The following FLI1 variants were observed in gnomAD, a reference collection of about 807,000 sequenced individuals.
FLI1 encodes Friend leukemia integration 1 transcription factor.
In FLI1, 13 loss-of-function variants were observed where a neutral mutation model predicts 53.1. The observed-to-expected ratio is 0.24, with a 90% CI of 0.16 to 0.39. The LOEUF (loss-of-function observed/expected upper bound fraction) is 0.39, where lower values mean the gene tolerates loss of function less well. Among genes scored for constraint, FLI1 ranks in the 10% least tolerant of loss-of-function variants. The pLI is 1.00. For synonymous variants in FLI1, 244 were observed against 236.7 expected, an observed-to-expected ratio of 1.03 and a Z score of -0.28; for missense variants, 424 against 600.5, an observed-to-expected ratio of 0.71 and a Z score of 3.07.
intron 5 of FLI1, among the ~76,000 whole-genome samples, chr11:128,801,676 C>T (rs557370638): frequency 6.6e-6 from 1 of 152,292 alleles, no homozygotes; most frequent in Non-Finnish European, 1.5e-5. Context: ...GGTAGGAGCA[C>T]TGGGTTCTCT....
chr11:128,701,685 C>A (rs139803119), intron 1 of FLI1, among the ~76,000 whole-genome samples: 114 of 152,296 alleles, frequency 7.5e-4, no homozygotes, highest in African/African-American at 2.7e-3. Flanking sequence ...TTTCAAATCA[C>A]CTCAAAGGGA....
Position 128,810,874 on chromosome 11 carries a change from C to T in FLI1, c.1245C>T (p.Phe415=). The change falls in exon 9 of 9, where the codon TTC becomes TTT. Residue 415 remains phenylalanine (F), a synonymous_variant. Transcript: ENST00000527786. The surrounding 1 kb of genome is among the most constrained non-coding windows in gnomAD (Gnocchi z 6.6). ...PSSMPVTSSS[F]FGAASQYWTS... is the part of the protein sequence containing the mutation. ...CCATGCCTGTCACTTCCTCCAGCTT[C>T]TTTGGAGCCGCATCACAATACTGGA... is the stretch of plus-strand genomic sequence containing the variant. The T allele has an allele frequency of 6.2e-7, 1 of 1,614,058 alleles. No individual in the cohort carries two copies. Among genetic ancestry groups the T allele is most frequent in the East Asian group, 2.2e-5 (1 of 44,882 alleles).
At chr11:128,721,062 C>G (rs1405927345) in intron 1 of FLI1, among the ~76,000 whole-genome samples, 3 of 152,234 alleles carry the variant, frequency 2.0e-5, no homozygotes, top group Non-Finnish European at 4.4e-5. Context: ...TCCAGAGAAG[C>G]TTCTGGAGAA....
chr11:128,768,500 G>A, intron 3 of FLI1: 1 of 512,956 alleles, frequency 1.9e-6, no homozygotes, highest in Non-Finnish European at 3.5e-6. Flanking sequence ...CCAACGTGGT[G>A]AAACCTCATC....
chr11:128,703,862 A>C (rs1327454263), intron 1 of FLI1, among the ~76,000 whole-genome samples: 1 of 149,268 alleles, frequency 6.7e-6, no homozygotes, highest in East Asian at 1.9e-4. Flanking sequence ...AAAAAAAAAA[A>C]ACAAACGTTA....
At chr11:128,697,393 A>G (rs1938128061) in intron 1 of FLI1, among the ~76,000 whole-genome samples, 1 of 152,220 alleles carries the variant, frequency 6.6e-6, no homozygotes, top group Non-Finnish European at 1.5e-5. Flanking sequence ...CAGCTCTGCT[A>G]CCTAGTAGCT....
intron 5 of FLI1, among the ~76,000 whole-genome samples, chr11:128,783,289 G>A (rs1048216605): frequency 6.6e-6 from 1 of 152,212 alleles, no homozygotes; most frequent in Admixed American, 6.5e-5. Context: ...GCACTAGCTG[G>A]CTGTCTTGCC....
At chr11:128,759,112 G>A (rs188043809) in intron 2 of FLI1, among the ~76,000 whole-genome samples, 255 of 152,342 alleles carry the variant, frequency 1.7e-3, no homozygotes, top group Admixed American at 5.0e-3. Flanking sequence ...TGCCTGAGAC[G>A]CGTTAGGAAA....
chr11:128,801,079 A>G (rs1455509588), intron 5 of FLI1, among the ~76,000 whole-genome samples: 2 of 152,188 alleles, frequency 1.3e-5, no homozygotes, highest in East Asian at 3.9e-4. Context: ...CGACGGCCAC[A>G]TTTTTACACA....
chr11:128,799,712 G>A (rs915695896), intron 5 of FLI1, among the ~76,000 whole-genome samples: 2 of 152,174 alleles, frequency 1.3e-5, no homozygotes, highest in South Asian at 2.1e-4. Flanking sequence ...GCGCGGACTC[G>A]AGCAAAGACT....
chr11:128,734,242 A>G (rs2135758986), intron 1 of FLI1, among the ~76,000 whole-genome samples: 1 of 152,328 alleles, frequency 6.6e-6, no homozygotes, highest in South Asian at 2.1e-4. Flanking sequence ...TTGTCCTCCA[A>G]TTCAGCCAAA....
upstream of FLI1, among the ~76,000 whole-genome samples, chr11:128,689,958 G>A (rs191780734): frequency 3.9e-5 from 6 of 152,324 alleles, no homozygotes; most frequent in East Asian, 1.2e-3. Flanking sequence ...GCGAGCAGAG[G>A]CTCTAAATCT....
intron 1 of FLI1, among the ~76,000 whole-genome samples, chr11:128,726,051 C>T (rs1217544543): frequency 6.6e-6 from 1 of 152,212 alleles, no homozygotes; most frequent in Non-Finnish European, 1.5e-5. Context: ...AAAAATTCAG[C>T]TTCCCAGATG....
At chr11:128,752,735 C>T (rs1259116242) in intron 1 of FLI1, among the ~76,000 whole-genome samples, 1 of 152,138 alleles carries the variant, frequency 6.6e-6, no homozygotes, top group East Asian at 1.9e-4. Flanking sequence ...ATAGAATTGC[C>T]AGGAGGATTA....
rs1713217185 is a variant in FLI1, at chr11:128,810,350, CA to C, written c.830-105del. ...AAGTCGATCCCAATGTCGAAGGAAA[CA>C]AAAGGTTTCTTTAAAAGGATGAGAA... On this transcript the variant is annotated intron_variant, in intron 8 of 8. Coordinates refer to ENST00000527786, the MANE Select transcript of FLI1 (RefSeq NM_002017.5). The surrounding 1 kb of genome is among the most constrained non-coding windows in gnomAD (Gnocchi z 6.6). The C allele has an allele frequency of 2.7e-6, 3 of 1,126,034 alleles. No individual in the cohort carries two copies. Among genetic ancestry groups the C allele is most frequent in the Non-Finnish European group, 3.8e-6 (3 of 797,436 alleles). 69.8% of individuals were successfully genotyped at this position (1,126,034 alleles called of 1,614,324 possible). A position where few individuals can be genotyped will look rare whatever the true frequency, so the allele number is the denominator to read the frequency against.
intron 3 of FLI1, among the ~76,000 whole-genome samples, chr11:128,771,476 C>T (rs1268666379): frequency 6.6e-6 from 1 of 152,234 alleles, no homozygotes; most frequent in Non-Finnish European, 1.5e-5. Context: ...GGAAACTTGC[C>T]TCTGGCTGCC....
intron 5 of FLI1, among the ~76,000 whole-genome samples, chr11:128,798,508 C>CT (rs1211483020): frequency 6.6e-6 from 1 of 152,110 alleles, no homozygotes; most frequent in East Asian, 1.9e-4. Flanking sequence ...CCTCGTAGGT[C>CT]TTTTTTTCCC....
At chr11:128,784,739 T>A (rs530546886) in intron 5 of FLI1, among the ~76,000 whole-genome samples, 1 of 152,338 alleles carries the variant, frequency 6.6e-6, no homozygotes, top group South Asian at 2.1e-4. Context: ...GCTCTCCTGC[T>A]CTGCTCTAAT....
At chr11:128,761,427 C>T (rs2135817052) in intron 2 of FLI1, among the ~76,000 whole-genome samples, 1 of 152,318 alleles carries the variant, frequency 6.6e-6, no homozygotes, top group Middle Eastern at 3.4e-3. Flanking sequence ...ACGGTAGGTG[C>T]TCAATAAATT....
Sources: gnomAD v4.1 joint callset for allele counts (sites outside exome capture counted in the v4.1 genomes callset) on GRCh38, gnomAD v4.1.1 for gene constraint, Gnocchi (gnomAD v3.1) non-coding constraint, MANE v1.5 for transcripts, NCBI Gene and HGNC (gene_info 2026-07-23, HGNC 2026-07-21) for gene names.